TP53BP2: variants seen among roughly 807,000 people sequenced by gnomAD.
The protein encoded by TP53BP2 is apoptosis-stimulating of p53 protein 2.
TP53BP2 carries 62 observed loss-of-function variants against 126.2 expected under a neutral mutation model. That is an observed-to-expected ratio of 0.49 (90% CI 0.40 to 0.61). The LOEUF is 0.61. Among genes scored for constraint, TP53BP2 ranks in the 20% least tolerant of loss-of-function variants. The probability of loss-of-function intolerance (pLI) is 0.00; values close to 1 mark genes in which losing one functional copy is unlikely to be tolerated. For synonymous variants in TP53BP2, 485 were observed against 502.9 expected (o/e 0.96, Z 0.48); for missense variants, 1,215 against 1,402.8 (o/e 0.87, Z 2.14).
rs1662578715 is a variant in TP53BP2, at chr1:223,802,901, TAA to T, written c.832-8_832-7del. 6.2e-7 allele frequency: 1 copy of T among 1,613,828 alleles called. No individual in the cohort carries two copies. Among genetic ancestry groups the T allele is most frequent in the Non-Finnish European group, 8.5e-7 (1 of 1,179,976 alleles). ...TGATTCAATTTGTTTCTTAGCTGAA[TAA>T]AAGAGAGGGGAAAAAAGGTAGCCAA... On this transcript the variant is annotated splice_region_variant and splice_polypyrimidine_tract_variant and intron_variant, in intron 7 of 17. Coordinates refer to ENST00000343537, the MANE Select transcript of TP53BP2 (RefSeq NM_001031685.3).
chr1:223,785,606 T>C (rs1255059781), intron 16 of TP53BP2, among the ~76,000 whole-genome samples: 2 of 152,184 alleles, frequency 1.3e-5, no homozygotes, highest in African/African-American at 4.8e-5. Flanking sequence ...CAGGCTGGTA[T>C]AGAATTCCTG....
intron 5 of TP53BP2, 54 bp downstream of exon 5, chr1:223,806,792 C>A: frequency 6.8e-7 from 1 of 1,467,282 alleles, no homozygotes; most frequent in South Asian, 1.2e-5. Context: ...CCACTGCACT[C>A]CAGCCTAGGC....
At chr1:223,828,384 C>T (rs189339908) in intron 1 of TP53BP2, among the ~76,000 whole-genome samples, 88 of 152,226 alleles carry the variant, frequency 5.8e-4, no homozygotes, top group African/African-American at 2.0e-3. Flanking sequence ...AACTTATCTA[C>T]GTTTAAATTT....
chr1:223,838,594 C>T (rs1663999693), intron 1 of TP53BP2, among the ~76,000 whole-genome samples: 1 of 152,212 alleles, frequency 6.6e-6, no homozygotes, highest in South Asian at 2.1e-4. Flanking sequence ...TCTATGCGTC[C>T]CTGTCCTCCA....
intron 1 of TP53BP2, among the ~76,000 whole-genome samples, chr1:223,843,207 C>A (rs1664159907): frequency 6.6e-6 from 1 of 150,452 alleles, no homozygotes; most frequent in South Asian, 2.1e-4. Flanking sequence ...TGGAGTCACT[C>A]TTAGTTACCA....
intron 1 of TP53BP2, among the ~76,000 whole-genome samples, chr1:223,826,296 A>C (rs746044065): frequency 3.3e-5 from 5 of 152,324 alleles, no homozygotes; most frequent in Non-Finnish European, 7.3e-5. Context: ...GGTCGTTATT[A>C]AACACAGATT....
chr1:223,791,557 C>T (rs562926661), intron 15 of TP53BP2, among the ~76,000 whole-genome samples: 2 of 152,042 alleles, frequency 1.3e-5, no homozygotes, highest in East Asian at 3.9e-4. Context: ...TAGAGTAATA[C>T]GAGGCTAACT....
intron 1 of TP53BP2, among the ~76,000 whole-genome samples, chr1:223,835,896 T>G (rs1416130761): frequency 6.6e-6 from 1 of 151,936 alleles, no homozygotes; most frequent in Non-Finnish European, 1.5e-5. Context: ...TTTAAAGCAT[T>G]TGAAGTCCAG....
intron 13 of TP53BP2, among the ~76,000 whole-genome samples, chr1:223,793,692 T>C (rs562459976): frequency 2.2e-4 from 34 of 152,300 alleles, no homozygotes; most frequent in Middle Eastern, 3.4e-3. Flanking sequence ...AAATCTAACA[T>C]AATTACGTTT....
intron 8 of TP53BP2, 28 bp downstream of exon 8, chr1:223,802,703 C>CA: frequency 2.5e-6 from 4 of 1,612,914 alleles, no homozygotes; most frequent in Non-Finnish European, 2.5e-6. Context: ...CCCTCCTCCC[C>CA]AAAACCATTA....
chr1:223,787,401 T>G (rs944507557), intron 16 of TP53BP2, among the ~76,000 whole-genome samples: 1 of 150,826 alleles, frequency 6.6e-6, no homozygotes, highest in Non-Finnish European at 1.5e-5. Context: ...TTTATATATA[T>G]AAATTTTTAA....
At chr1:223,790,007 G>A (rs1049717741) in intron 15 of TP53BP2, among the ~76,000 whole-genome samples, 4 of 152,016 alleles carry the variant, frequency 2.6e-5, no homozygotes, top group African/African-American at 9.7e-5. Flanking sequence ...ATTTAGACCA[G>A]GCGCAGTGGC....
chr1:223,814,245 T>C lies in TP53BP2; in HGVS notation c.284A>G (p.Asp95Gly), dbSNP rs769290577. The part of the protein sequence containing the change: ...FLRHERPPGR[D>G]IVSGPRSQDP... ...ATTCACAGAGCACTACCTACCAATG[T>C]CCCTGCCAGGGGGGCGTTCATGACG... Residue 95 changes from aspartate (D) to glycine (G), a missense_variant, in exon 3 of 18, where the codon GAC becomes GGC. Asp to Gly is a moderately conservative substitution (Grantham distance 94). Coordinates refer to ENST00000343537, the MANE Select transcript of TP53BP2 (RefSeq NM_001031685.3). 6.2e-7 allele frequency: 1 copy of C among 1,612,334 alleles called. No individual in the cohort carries two copies. The highest frequency in any genetic ancestry group is 1.7e-5 in the Admixed American group (1 of 60,012).
Position 223,800,036 on chromosome 1 carries a change from C to T in TP53BP2, c.1348G>A (p.Glu450Lys), listed in dbSNP as rs1446539775. Residue 450 changes from glutamate (E) to lysine (K), a missense_variant, in exon 11 of 18, where the codon GAG (glutamate) becomes AAG (lysine). Physicochemically the swap from Glu to Lys is moderately conservative, Grantham distance 56. Transcript: ENST00000343537. ...GNALDQVDDG[E>K]VPLREKEKKV... ...TTCTCTTTCTCCCTCAGCGGAACCT[C>T]TCCATCATCAACTAAAGACAAAAAA... 6.2e-7 allele frequency: 1 copy of T among 1,605,540 alleles called. No individual in the cohort carries two copies. The highest frequency in any genetic ancestry group is 1.7e-5 in the Admixed American group (1 of 57,290).
At chr1:223,783,921 T>C (rs1319529067) in intron 17 of TP53BP2, among the ~76,000 whole-genome samples, 194 bp downstream of exon 17, 3 of 152,218 alleles carry the variant, frequency 2.0e-5, no homozygotes, top group Non-Finnish European at 2.9e-5. Flanking sequence ...CCTCCAGGGC[T>C]GGCAAACAGA....
chr1:223,818,087 G>T (rs1280574087), intron 2 of TP53BP2: 6 of 152,398 alleles, frequency 3.9e-5, no homozygotes, highest in African/African-American at 1.4e-4. Flanking sequence ...TATTTCTACA[G>T]TTACTTATAA....
intron 16 of TP53BP2, among the ~76,000 whole-genome samples, chr1:223,786,619 T>TC (rs368634019): frequency 7.2e-4 from 109 of 151,560 alleles, no homozygotes; most frequent in Non-Finnish European, 1.3e-3. Context: ...TATTTTTTTT[T>TC]CCCCCGAGAT....
Position 223,831,483 on chromosome 1 carries a change from ATATATATATAT to A in TP53BP2, c.28-10127_28-10117del, listed in dbSNP as rs1558109483. Among the ~76,000 whole-genome samples the A allele has an allele frequency of 2.0e-3, 62 of 31,352 alleles. 3 individuals are homozygous for A. Among genetic ancestry groups the A allele is most frequent in the African/African-American group, 4.9e-3 (42 of 8,600 alleles). 20.6% of individuals were successfully genotyped at this position (31,352 alleles called of 152,430 possible). ...GTACCATCTAAAAAAAAAAAAAAAT[ATATATATATAT>A]ATATATATATATATATATATATACT... is the stretch of plus-strand genomic sequence containing the variant. On this transcript the variant is annotated intron_variant, in intron 1 of 17. Coordinates refer to ENST00000343537, the MANE Select transcript of TP53BP2 (RefSeq NM_001031685.3).
At chr1:223,819,184 C>CAA (rs533080608) in intron 2 of TP53BP2, among the ~76,000 whole-genome samples, 2 of 116,276 alleles carry the variant, frequency 1.7e-5, no homozygotes. Context: ...AACTCTGTCT[C>CAA]AAAAAAAAAA....
Sources: gnomAD v4.1 joint callset for allele counts (sites outside exome capture counted in the v4.1 genomes callset) on GRCh38, gnomAD v4.1.1 for gene constraint, MANE v1.5 for transcripts, NCBI Gene and HGNC (gene_info 2026-07-23, HGNC 2026-07-21) for gene names.